The following IL1RL1 variants were observed in gnomAD, a reference collection of about 807,000 sequenced individuals.
IL1RL1 encodes the protein interleukin 1 receptor like 1.
IL1RL1 carries 32 observed loss-of-function variants against 50.9 expected under a neutral mutation model. The ratio of observed to expected loss-of-function variants is 0.63; its 90% CI spans 0.47 to 0.84. The LOEUF (loss-of-function observed/expected upper bound fraction) is 0.84, where lower values mean the gene tolerates loss of function less well. Ranked by LOEUF, IL1RL1 falls within the 40% of genes least tolerant of loss-of-function variation. The pLI is 0.00. For synonymous variants in IL1RL1, 275 were observed against 236.0 expected (o/e 1.17, Z -1.51); for missense variants, 773 against 662.9 (o/e 1.17, Z -1.82).
At chr2:102,342,179 C>A (rs755702065) in intron 5 of IL1RL1, 44 bp from the exon 6 acceptor site, 1 of 1,286,516 alleles carries the variant, frequency 7.8e-7, no homozygotes, top group Non-Finnish European at 1.1e-6. Context: ...TATTGACTAG[C>A]ATTCAATGCT....
rs750765468 is a variant in IL1RL1, at chr2:102,317,215, G to A, written c.-150+5592G>A. On this transcript the variant is annotated intron_variant, in intron 1 of 10. Transcript: ENST00000233954. ...TAAAAATACAAAAAATTAACTGGGC[G>A]TGGTGGTGGGCGCCTGTAGTCCCAG... Among the ~76,000 whole-genome samples, 6 of 151,978 alleles carry A rather than the reference G, an allele frequency of 3.9e-5. No homozygotes were observed. The South Asian group carries it at 6.2e-4, about 16-fold the overall frequency.
intron 10 of IL1RL1, among the ~76,000 whole-genome samples, chr2:102,350,892 T>C (rs1284648782): frequency 6.6e-6 from 1 of 152,218 alleles, no homozygotes. Flanking sequence ...CCTGTTGCAG[T>C]GAGGACTGGG....
intron 8 of IL1RL1, chr2:102,343,987 C>G (rs1677686791): frequency 1.3e-6 from 1 of 756,402 alleles, no homozygotes; most frequent in South Asian, 5.9e-5. Context: ...ATACCTGAGA[C>G]TGGGTGATTT....
chr2:102,345,090 A>C, intron 8 of IL1RL1: 3 of 873,582 alleles, frequency 3.4e-6, no homozygotes, highest in Non-Finnish European at 4.1e-6. Context: ...TGCAGGCAAG[A>C]AGGGGATATG....
At chr2:102,327,916 T>C (rs1397241035) in intron 1 of IL1RL1, among the ~76,000 whole-genome samples, 6 of 152,220 alleles carry the variant, frequency 3.9e-5, no homozygotes, top group Non-Finnish European at 8.8e-5. Context: ...AGCCGAATTC[T>C]ACCAGAGGTA....
chr2:102,348,872 G>C (rs17027006), intron 9 of IL1RL1, among the ~76,000 whole-genome samples: 33,523 of 152,038 alleles, frequency 0.22, 4,373 homozygotes, highest in East Asian at 0.39. Flanking sequence ...ACAGTAAAAA[G>C]GAGAAACACT....
At chr2:102,323,240 TTAGGTTTTATATATATATATATATATA>T (rs1462590478) in intron 1 of IL1RL1, among the ~76,000 whole-genome samples, 1 of 142,490 alleles carries the variant, frequency 7.0e-6, no homozygotes, top group African/African-American at 2.7e-5. Context: ...TAACTTTTTG[TTAGGTTTTATATATATATATATATATA>T]TATATAGTGT....
chr2:102,342,942 A>G, intron 6 of IL1RL1, 94 bp from the exon 7 acceptor site: 1 of 1,237,468 alleles, frequency 8.1e-7, no homozygotes, highest in Non-Finnish European at 1.2e-6. Context: ...GGTGCATACT[A>G]AGTGTTCAGT....
intron 1 of IL1RL1, among the ~76,000 whole-genome samples, chr2:102,330,485 T>C (rs1325702261): frequency 6.6e-6 from 1 of 150,856 alleles, no homozygotes; most frequent in Non-Finnish European, 1.5e-5. Flanking sequence ...AAACTTAAAG[T>C]ATAATAAAAA....
chr2:102,326,902 A>G (rs1028725425), intron 1 of IL1RL1, among the ~76,000 whole-genome samples: 9 of 152,170 alleles, frequency 5.9e-5, no homozygotes, highest in Non-Finnish European at 7.4e-5. Flanking sequence ...CACAATAATA[A>G]TGGGAGACTT....
chr2:102,351,099 T>G (rs1677916357), intron 10 of IL1RL1, among the ~76,000 whole-genome samples: 1 of 152,202 alleles, frequency 6.6e-6, no homozygotes, highest in Admixed American at 6.5e-5. Flanking sequence ...TTGGACAATT[T>G]TGAGGGGCAA....
chr2:102,316,075 TC>T (rs1312963732), intron 1 of IL1RL1, among the ~76,000 whole-genome samples: 1 of 152,180 alleles, frequency 6.6e-6, no homozygotes, highest in East Asian at 1.9e-4. Flanking sequence ...CAGGACTAAT[TC>T]ACTCACCTCT....
At chr2:102,328,285 G>A (rs1448805083) in intron 1 of IL1RL1, among the ~76,000 whole-genome samples, 1 of 152,064 alleles carries the variant, frequency 6.6e-6, no homozygotes, top group African/African-American at 2.4e-5. Context: ...TGCAGAAAAG[G>A]CCTTTGACAA....
At chr2:102,343,552 G>A (rs1677665695) in intron 8 of IL1RL1, 137 bp downstream of exon 8, 8 of 1,555,358 alleles carry the variant, frequency 5.1e-6, no homozygotes, top group South Asian at 2.4e-5. Flanking sequence ...TCTTCGGGAT[G>A]TTGTTTGCTG....
At chr2:102,311,947 T>G (rs1676503159) in intron 1 of IL1RL1, among the ~76,000 whole-genome samples, 1 of 39,850 alleles carries the variant, frequency 2.5e-5, no homozygotes, top group African/African-American at 1.1e-4. Flanking sequence ...TATAATATTA[T>G]ATATAATATA....
chr2:102,332,451 AC>A, intron 1 of IL1RL1, among the ~76,000 whole-genome samples: 1 of 152,240 alleles, frequency 6.6e-6, no homozygotes, highest in East Asian at 1.9e-4. Context: ...GTAGGCACAC[AC>A]AGTGGAATAT....
downstream of IL1RL1, chr2:102,352,048 T>A (rs1677952240): frequency 1.0e-6 from 1 of 999,368 alleles, no homozygotes; most frequent in East Asian, 2.5e-5. Context: ...AGGTTTCATC[T>A]GGTAACTTTC....
intron 8 of IL1RL1, chr2:102,343,947 G>T: frequency 1.0e-6 from 1 of 979,528 alleles, no homozygotes; most frequent in Non-Finnish European, 1.2e-6. Context: ...TAAGACATTT[G>T]TTAGGCCATT....
chr2:102,324,601 G>T (rs531566304), intron 1 of IL1RL1, among the ~76,000 whole-genome samples: 1 of 152,320 alleles, frequency 6.6e-6, no homozygotes, highest in East Asian at 1.9e-4. Flanking sequence ...CCCTTTCCTA[G>T]TCAAAGAAAG....
Sources: allele counts gnomAD v4.1 joint callset (sites outside exome capture counted in the v4.1 genomes callset), GRCh38; gene constraint gnomAD v4.1.1; transcripts MANE v1.5; gene names NCBI Gene and HGNC (gene_info 2026-07-23, HGNC 2026-07-21).